Variants in IL21R observed in about 807,000 individuals in gnomAD.
The protein encoded by IL21R is interleukin 21 receptor.
A neutral mutation model predicts 41.3 loss-of-function variants in IL21R; 14 were observed. The observed-to-expected ratio is 0.34, with a 90% CI of 0.22 to 0.53. IL21R has a LOEUF of 0.53. IL21R is among the 20% of genes least tolerant of loss of function. The pLI is 0.94. For synonymous variants in IL21R, 286 were observed against 287.6 expected (o/e 0.99, Z 0.05); for missense variants, 588 against 681.6 (o/e 0.86, Z 1.53).
intron 4 of IL21R, among the ~76,000 whole-genome samples, chr16:27,441,350 G>A (rs770018260): frequency 7.2e-5 from 11 of 152,218 alleles, no homozygotes; most frequent in Admixed American, 1.3e-4. Flanking sequence ...TTCATGAAAT[G>A]TCCTTCGAAT....
chr16:27,411,507 G>C (rs372060633), intron 1 of IL21R, among the ~76,000 whole-genome samples: 4 of 138,552 alleles, frequency 2.9e-5, no homozygotes, highest in African/African-American at 8.4e-5. Flanking sequence ...CTGTTGCCCA[G>C]GCTGGAGTGC....
chr16:27,434,508 T>C, intron 3 of IL21R, 59 bp downstream of exon 3: 3 of 1,068,776 alleles, frequency 2.8e-6, no homozygotes, highest in Admixed American at 1.8e-5. Context: ...TGCTCAGTGA[T>C]TCCCCCAGGA....
At chr16:27,420,132 T>G (rs982876625) in intron 1 of IL21R, among the ~76,000 whole-genome samples, 4 of 152,136 alleles carry the variant, frequency 2.6e-5, no homozygotes, top group African/African-American at 9.7e-5. Context: ...TCAAATGATC[T>G]GCCTGCCTTG....
chr16:27,427,452 A>G (rs2087098561), intron 1 of IL21R: 1 of 404,380 alleles, frequency 2.5e-6, no homozygotes, highest in Non-Finnish European at 3.3e-6. Context: ...CTGGAGTGCA[A>G]TAGTGCAATC....
intron 1 of IL21R, among the ~76,000 whole-genome samples, chr16:27,407,750 G>A (rs62032061): frequency 5.9e-5 from 9 of 152,266 alleles, no homozygotes; most frequent in East Asian, 3.9e-4. Flanking sequence ...ACTTGAACCC[G>A]GGAGGCGGAG....
rs1158389108 is a variant in IL21R, at chr16:27,443,095, C to T, written c.486C>T (p.Asn162=). The T allele has an allele frequency of 6.2e-7, 1 of 1,613,008 alleles. No individual in the cohort carries two copies. Among genetic ancestry groups the T allele is most frequent in the East Asian group, 2.2e-5 (1 of 44,866 alleles). Residue 162 remains asparagine, a synonymous_variant, in exon 5 of 9, where the codon AAC becomes AAT. Transcript: ENST00000337929. ...GKLQYELQYR[N]RGDPWAVSPR... is the part of the protein sequence containing the mutation. ...TTCAGTATGAGCTGCAGTACAGGAA[C>T]CGGGGAGACCCCTGGGCTGTGGTGA...
chr16:27,423,872 A>G lies in IL21R; in HGVS notation c.-16-6184A>G, dbSNP rs80207352. Among the ~76,000 whole-genome samples, 1,399 of 152,322 alleles carry G rather than the reference A, an allele frequency of 9.2e-3. 16 individuals are homozygous for G. Among genetic ancestry groups the G allele is most frequent in the African/African-American group, 0.032 (1,320 of 41,568 alleles). On this transcript the variant is annotated intron_variant, in intron 1 of 8. Transcript: ENST00000337929. ...AGAGTGAAGTTACTGGGTTTTAGGT[A>G]GGGCATGTGTTCGCTTTTATTAGGT...
At chr16:27,426,953 G>A (rs371120175) in intron 1 of IL21R, among the ~76,000 whole-genome samples, 57 of 152,246 alleles carry the variant, frequency 3.7e-4, no homozygotes, top group African/African-American at 1.3e-3. Flanking sequence ...GCTGGATCCA[G>A]GACCTCCCAT....
At chr16:27,411,569 T>C (rs1193885760) in intron 1 of IL21R, among the ~76,000 whole-genome samples, 1 of 149,544 alleles carries the variant, frequency 6.7e-6, no homozygotes, top group African/African-American at 2.5e-5. Flanking sequence ...TTCAAGCAAT[T>C]CTCCTGCCTC....
chr16:27,425,057 A>G (rs1394346796), intron 1 of IL21R, among the ~76,000 whole-genome samples: 3 of 152,160 alleles, frequency 2.0e-5, no homozygotes, highest in Non-Finnish European at 4.4e-5. Context: ...ATCCGCCCCC[A>G]TGATCCAATC....
chr16:27,416,029 C>T (rs2086890546), intron 1 of IL21R, among the ~76,000 whole-genome samples: 1 of 152,198 alleles, frequency 6.6e-6, no homozygotes, highest in African/African-American at 2.4e-5. Flanking sequence ...TTATTCACCT[C>T]TTCTTACCTT....
chr16:27,440,246 T>TAGAGAG (rs1163938129), intron 4 of IL21R, among the ~76,000 whole-genome samples: 327 of 78,576 alleles, frequency 4.2e-3, no homozygotes, highest in African/African-American at 0.015. Context: ...TATATATATA[T>TAGAGAG]ATAGAGAGAG....
intron 2 of IL21R, among the ~76,000 whole-genome samples, chr16:27,434,086 G>A (rs1012023330): frequency 2.6e-5 from 4 of 152,126 alleles, no homozygotes; most frequent in African/African-American, 9.7e-5. Context: ...CTGGGGACCA[G>A]CTAGTTTTAT....
At chr16:27,419,950 G>A (rs1461488352) in intron 1 of IL21R, among the ~76,000 whole-genome samples, 45 of 149,046 alleles carry the variant, frequency 3.0e-4, no homozygotes, top group Non-Finnish European at 4.6e-4. Flanking sequence ...GTGCAGTGGC[G>A]CAATCTCGGC....
In IL21R at chr16:27,440,282, G is replaced by A. The variant is rs558791923; in HGVS notation, c.352+2595G>A. 1.3e-3 allele frequency among the ~76,000 whole-genome samples: 153 copies of A among 120,350 alleles called. 5 individuals are homozygous for A. The highest frequency in any genetic ancestry group is 5.5e-3 in the African/African-American group (146 of 26,520). The allele number at this position is 120,350 out of a possible 152,430, so 79.0% of individuals were successfully genotyped here. On this transcript the variant is annotated intron_variant, in intron 4 of 8. Transcript: ENST00000337929. ...AGAGAGAGAGAGAGAGAGAGAGAGC[G>A]AGCAAGCGCGCGCCAGGGTGTAGCT...
intron 1 of IL21R, among the ~76,000 whole-genome samples, chr16:27,412,350 T>A (rs574088558): frequency 6.6e-6 from 1 of 152,248 alleles, no homozygotes; most frequent in South Asian, 2.1e-4. Context: ...TTTTAATACA[T>A]TTTGAAATCA....
In IL21R at chr16:27,448,883, C is replaced by T. The variant is rs1196084227; in HGVS notation, c.1217C>T (p.Ala406Val). 1.2e-6 allele frequency: 2 copies of T among 1,612,118 alleles called. No homozygotes were observed. Among genetic ancestry groups the T allele is most frequent in the South Asian group, 1.1e-5 (1 of 90,966 alleles). The change falls in exon 9 of 9, where the codon GCT (alanine) becomes GTT (valine). Residue 406 changes from alanine to valine, a missense_variant. By Grantham distance (64) the Ala-to-Val change is moderately conservative (BLOSUM62 0). Coordinates refer to ENST00000337929, the MANE Select transcript of IL21R (RefSeq NM_181078.3). ...DDGYPALDLD[A>V]GLEPSPGLED... ...GGCTACCCAGCCCTGGACCTGGATG[C>T]TGGCCTGGAGCCCAGCCCAGGCCTA...
chr16:27,443,268 C>T (rs569024521), intron 5 of IL21R, 152 bp downstream of exon 5: 2 of 600,320 alleles, frequency 3.3e-6, no homozygotes, highest in South Asian at 5.5e-5. Context: ...GCGGGCCCTC[C>T]TCCTCCCCTC....
intron 1 of IL21R, among the ~76,000 whole-genome samples, chr16:27,418,364 G>A (rs553527399): frequency 9.8e-5 from 14 of 142,676 alleles, no homozygotes; most frequent in African/African-American, 2.6e-4. Context: ...TACCGCGCCC[G>A]GCCCTATTTT....
Sources: gnomAD v4.1 joint callset for allele counts (sites outside exome capture counted in the v4.1 genomes callset) on GRCh38, gnomAD v4.1.1 for gene constraint, MANE v1.5 for transcripts, NCBI Gene and HGNC (gene_info 2026-07-23, HGNC 2026-07-21) for gene names.